APOO: variants seen among roughly 807,000 people sequenced by gnomAD.
APOO encodes the protein apolipoprotein O, also known as MICOS complex subunit MIC26.
APOO carries 11 observed loss-of-function variants against 23.1 expected under a neutral mutation model. The ratio of observed to expected loss-of-function variants is 0.48; its 90% confidence interval spans 0.30 to 0.79. The LOEUF is 0.79. Ranked by LOEUF, APOO falls within the 30% of genes least tolerant of loss-of-function variation. APOO has a pLI of 0.07. For synonymous variants in APOO, 59 were observed against 54.8 expected, an observed-to-expected ratio of 1.08 and a Z score of -0.34; for missense variants, 160 against 142.7, an observed-to-expected ratio of 1.12 and a Z score of -0.62.
intron 5 of APOO, among the ~76,000 whole-genome samples, chrX:23,863,584 G>C (rs779491466): frequency 2.1e-4 from 24 of 111,856 alleles, no homozygotes; most frequent in African/African-American, 7.1e-4. Context: ...TATGAGGGCA[G>C]AAAGTGATTT....
At chrX:23,873,379 G>A (rs774929355) in intron 4 of APOO, among the ~76,000 whole-genome samples, 3 of 111,532 alleles carry the variant, frequency 2.7e-5, no homozygotes, top group Non-Finnish European at 5.6e-5. Context: ...GGCCGAGGCG[G>A]GCAGATCACT....
chrX:23,876,134 G>T (rs1227561961), intron 3 of APOO, among the ~76,000 whole-genome samples: 13 of 110,527 alleles, frequency 1.2e-4, no homozygotes, highest in Admixed American at 1.2e-3. Context: ...CGTGGTGGCA[G>T]GCACCTGTAG....
chrX:23,847,834 C>CAT (rs1157930002), intron 7 of APOO, among the ~76,000 whole-genome samples: 4 of 103,820 alleles, frequency 3.9e-5, no homozygotes, highest in African/African-American at 6.9e-5. Flanking sequence ...CACACACACA[C>CAT]ATATATATCC....
intron 3 of APOO, among the ~76,000 whole-genome samples, chrX:23,876,431 A>G (rs1228052837): frequency 2.8e-5 from 3 of 106,941 alleles, no homozygotes; most frequent in Non-Finnish European, 5.8e-5. Flanking sequence ...AAAAAAAAAA[A>G]AAAAAAAGAA....
chrX:23,866,412 G>C (rs1925337525), intron 5 of APOO, among the ~76,000 whole-genome samples: 2 of 112,136 alleles, frequency 1.8e-5, no homozygotes, highest in African/African-American at 6.5e-5. Flanking sequence ...ACTGTGACAT[G>C]AGTTGCTTCC....
At chrX:23,851,326 G>A (rs1924527204) in intron 7 of APOO, among the ~76,000 whole-genome samples, 1 of 110,747 alleles carries the variant, frequency 9.0e-6, no homozygotes, top group Non-Finnish European at 1.9e-5. Context: ...CCGAGTAGCT[G>A]GGATTACAGG....
intron 1 of APOO, among the ~76,000 whole-genome samples, chrX:23,889,725 C>CGT (rs1926549037): frequency 1.1e-5 from 1 of 95,084 alleles, no homozygotes; most frequent in African/African-American, 4.0e-5. Flanking sequence ...TGCAGTGGTG[C>CGT]GATCTTGGCT....
intron 8 of APOO, among the ~76,000 whole-genome samples, chrX:23,834,028 C>A (rs746356813): frequency 9.1e-6 from 1 of 110,374 alleles, no homozygotes; most frequent in African/African-American, 3.3e-5. Flanking sequence ...ATATTTACAT[C>A]ACCATTATAT....
chrX:23,889,216 A>G (rs778470684), intron 1 of APOO, among the ~76,000 whole-genome samples: 1 of 111,785 alleles, frequency 8.9e-6, no homozygotes, highest in South Asian at 3.7e-4. Context: ...TCTTAGACAC[A>G]GTTTACCAAG....
chrX:23,868,430 T>C (rs1469140345), intron 5 of APOO, among the ~76,000 whole-genome samples, 163 bp downstream of exon 5: 5 of 112,384 alleles, frequency 4.4e-5, no homozygotes, highest in African/African-American at 1.6e-4. Flanking sequence ...TTTCTATTTA[T>C]GTTTAAAATC....
chrX:23,907,568 C>G, intron 1 of APOO, 126 bp downstream of exon 1: 1 of 737,310 alleles, frequency 1.4e-6, no homozygotes, highest in East Asian at 4.1e-5. Flanking sequence ...ACGCAGCCGG[C>G]CCAGTGGCGG....
intron 7 of APOO, among the ~76,000 whole-genome samples, chrX:23,854,627 T>C (rs1388081585): frequency 9.0e-6 from 1 of 110,832 alleles, no homozygotes; most frequent in African/African-American, 3.3e-5. Context: ...TTCAAGCAAT[T>C]CTCCTGCCTC....
At chrX:23,837,525 T>C (rs1357225489) in intron 8 of APOO, among the ~76,000 whole-genome samples, 1 of 109,722 alleles carries the variant, frequency 9.1e-6, no homozygotes, top group Non-Finnish European at 1.9e-5. Flanking sequence ...GAAAGTTTTC[T>C]GTGAACTTGT....
At chrX:23,889,183 C>T (rs1926512796) in intron 1 of APOO, among the ~76,000 whole-genome samples, 1 of 110,942 alleles carries the variant, frequency 9.0e-6, no homozygotes. Flanking sequence ...TATCAGTCAG[C>T]TCCCTCAGCT....
chrX:23,902,248 T>G (rs1927158605), intron 1 of APOO, among the ~76,000 whole-genome samples: 1 of 111,796 alleles, frequency 8.9e-6, no homozygotes, highest in Non-Finnish European at 1.9e-5. Flanking sequence ...TGCTGGTAAG[T>G]GCATTGTGAG....
At chrX:23,845,405 C>T (rs1924184709) in intron 7 of APOO, among the ~76,000 whole-genome samples, 1 of 111,486 alleles carries the variant, frequency 9.0e-6, no homozygotes, top group Non-Finnish European at 1.9e-5. Flanking sequence ...TTTAAGTGTA[C>T]AATACGGTAC....
At chrX:23,876,538 T>C (rs898077495) in intron 3 of APOO, among the ~76,000 whole-genome samples, 16 of 110,229 alleles carry the variant, frequency 1.5e-4, no homozygotes, top group Non-Finnish European at 2.7e-4. Context: ...CAGTGGGTCA[T>C]GCCTGTAATC....
chrX:23,900,247 T>C (rs937114796), intron 1 of APOO, among the ~76,000 whole-genome samples: 7 of 112,295 alleles, frequency 6.2e-5, no homozygotes, highest in East Asian at 5.6e-4. Flanking sequence ...ACACCTTACA[T>C]TGATATAGTG....
At chrX:23,905,352 TG>T (rs1409496790) in intron 1 of APOO, among the ~76,000 whole-genome samples, 2 of 109,735 alleles carry the variant, frequency 1.8e-5, no homozygotes, top group Non-Finnish European at 3.8e-5. Context: ...ATCGCACCAC[TG>T]CACTCCAGCC....
Sources: allele counts gnomAD v4.1 joint callset (sites outside exome capture counted in the v4.1 genomes callset), GRCh38; gene constraint gnomAD v4.1.1; transcripts MANE v1.5; gene names NCBI Gene and HGNC (gene_info 2026-07-23, HGNC 2026-07-21).